Variants in CSMD1 observed in about 807,000 individuals in gnomAD.
CSMD1 encodes the protein CUB and sushi domain-containing protein 1.
A neutral mutation model predicts 417.5 loss-of-function variants in CSMD1; 213 were observed. That is an observed-to-expected ratio of 0.51 (90% CI 0.46 to 0.57). The LOEUF (loss-of-function observed/expected upper bound fraction) is 0.57. Ranked by LOEUF, CSMD1 falls within the 20% of genes least tolerant of loss-of-function variation. CSMD1 has a pLI of 0.00. For synonymous variants in CSMD1, 2,862 were observed against 1,736.8 expected, an observed-to-expected ratio of 1.65 and a Z score of -16.11; for missense variants, 6,923 against 4,529.7, an observed-to-expected ratio of 1.53 and a Z score of -15.17.
chr8:4,754,197 C>G (rs1414677532), intron 1 of CSMD1, among the ~76,000 whole-genome samples: 2 of 152,126 alleles, frequency 1.3e-5, no homozygotes, highest in Non-Finnish European at 2.9e-5. Context: ...CTCCACCATT[C>G]ATCTCTACAA....
intron 10 of CSMD1, among the ~76,000 whole-genome samples, chr8:3,549,460 C>G (rs908364525): frequency 6.6e-6 from 1 of 152,174 alleles, no homozygotes; most frequent in Non-Finnish European, 1.5e-5. Flanking sequence ...AACTCAGCCC[C>G]TCATGTCGCA....
chr8:4,915,517 C>T (rs1401867797), intron 1 of CSMD1, among the ~76,000 whole-genome samples: 1 of 152,120 alleles, frequency 6.6e-6, no homozygotes, highest in South Asian at 2.1e-4. Context: ...ATACAAAAAG[C>T]AGGCCTGGCA....
At chr8:4,783,297 G>C (rs1040800570) in intron 1 of CSMD1, among the ~76,000 whole-genome samples, 1 of 152,118 alleles carries the variant, frequency 6.6e-6, no homozygotes, top group Admixed American at 6.5e-5. Flanking sequence ...AACCACACAA[G>C]GTAAAACTGT....
intron 25 of CSMD1, among the ~76,000 whole-genome samples, chr8:3,291,521 T>TAA (rs1803559474): frequency 1.3e-5 from 2 of 152,180 alleles, no homozygotes; most frequent in South Asian, 4.1e-4. Context: ...ATTGGTCTAT[T>TAA]CAGAGATTCA....
chr8:4,038,383 T>C (rs754069901), intron 3 of CSMD1, among the ~76,000 whole-genome samples: 16 of 152,166 alleles, frequency 1.1e-4, no homozygotes, highest in South Asian at 4.1e-4. Flanking sequence ...TTGTAAAATA[T>C]TGATGGAATT....
chr8:3,408,273 G>T, intron 13 of CSMD1, 48 bp from the exon 14 acceptor site: 1 of 1,422,252 alleles, frequency 7.0e-7, no homozygotes, highest in Admixed American at 2.1e-5. Context: ...CATATCCAAA[G>T]AATTGCCATG....
rs576753435 is a variant in CSMD1 at position 4,602,500 on chromosome 8, C to T, written c.302+34842G>A. 7.9e-5 allele frequency among the ~76,000 whole-genome samples: 12 copies of T among 152,198 alleles called. 1 individual carries two copies. The highest frequency in any genetic ancestry group is 1.9e-4 in the East Asian group (1 of 5,178). ...AGAGCTGTCCAGCACATCTCAGGTA[C>T]GCATACAATAAAACCGTAAATATAT... On this transcript the variant is annotated intron_variant, in intron 2 of 69. Transcript: ENST00000635120.
At chr8:3,026,542 G>A (rs531853662) in intron 51 of CSMD1, among the ~76,000 whole-genome samples, 16 of 151,400 alleles carry the variant, frequency 1.1e-4, no homozygotes, top group African/African-American at 3.6e-4. Flanking sequence ...GGGCCTGACT[G>A]GACCTCACTG....
At chr8:3,906,041 A>G (rs1808086596) in intron 5 of CSMD1, among the ~76,000 whole-genome samples, 1 of 152,104 alleles carries the variant, frequency 6.6e-6, no homozygotes. Flanking sequence ...AAAACCCTAA[A>G]TAGCGAGAGG....
chr8:3,989,227 C>A (rs565973110), intron 5 of CSMD1, among the ~76,000 whole-genome samples: 1 of 152,168 alleles, frequency 6.6e-6, no homozygotes, highest in South Asian at 2.1e-4. Flanking sequence ...ATTTTACAGA[C>A]AGTGATCTGG....
intron 11 of CSMD1, among the ~76,000 whole-genome samples, chr8:3,485,110 C>T (rs954172418): frequency 6.6e-6 from 1 of 152,164 alleles, no homozygotes; most frequent in African/African-American, 2.4e-5. Context: ...AACCTATACA[C>T]AAATGTCATA....
intron 2 of CSMD1, among the ~76,000 whole-genome samples, chr8:4,452,644 G>C (rs911449044): frequency 7.4e-5 from 11 of 147,916 alleles, no homozygotes; most frequent in African/African-American, 2.7e-4. Flanking sequence ...AAAAATTCTT[G>C]AGTGAAACGT....
At chr8:3,602,998 A>T (rs1364885762) in intron 8 of CSMD1, among the ~76,000 whole-genome samples, 1 of 152,184 alleles carries the variant, frequency 6.6e-6, no homozygotes, top group African/African-American at 2.4e-5. Context: ...AAGACTGTGT[A>T]AGAGAGAGGG....
intron 3 of CSMD1, among the ~76,000 whole-genome samples, chr8:4,308,883 C>T (rs1798402702): frequency 6.6e-6 from 1 of 152,088 alleles, no homozygotes; most frequent in African/African-American, 2.4e-5. Flanking sequence ...TAGCTATAAA[C>T]ACATGGTTTA....
intron 10 of CSMD1, among the ~76,000 whole-genome samples, chr8:3,501,235 T>A (rs980947144): frequency 6.6e-6 from 1 of 152,238 alleles, no homozygotes; most frequent in South Asian, 2.1e-4. Flanking sequence ...TGCATGTGCA[T>A]ACACACATGC....
chr8:4,112,630 C>A (rs747434998), intron 3 of CSMD1, among the ~76,000 whole-genome samples: 1 of 152,186 alleles, frequency 6.6e-6, no homozygotes, highest in South Asian at 2.1e-4. Flanking sequence ...AAGCAGGGAC[C>A]TGTCCAAAGG....
chr8:4,378,366 T>G (rs1040507796), intron 3 of CSMD1, among the ~76,000 whole-genome samples: 3 of 152,222 alleles, frequency 2.0e-5, no homozygotes, highest in African/African-American at 7.2e-5. Flanking sequence ...AACATAATCA[T>G]GAGAAATTAG....
chr8:4,012,529 G>A (rs889660946), intron 4 of CSMD1, among the ~76,000 whole-genome samples: 22 of 152,050 alleles, frequency 1.4e-4, no homozygotes, highest in Non-Finnish European at 5.9e-5. Context: ...CTACACCCAG[G>A]TAGTGATCAC....
chr8:4,101,908 G>C (rs569525273), intron 3 of CSMD1, among the ~76,000 whole-genome samples: 40 of 152,218 alleles, frequency 2.6e-4, no homozygotes, highest in Admixed American at 9.8e-4. Flanking sequence ...TCCTAATAAT[G>C]TACAGCATTT....
Sources: gnomAD v4.1 joint callset for allele counts (sites outside exome capture counted in the v4.1 genomes callset) on GRCh38, gnomAD v4.1.1 for gene constraint, MANE v1.5 for transcripts, NCBI Gene and HGNC (gene_info 2026-07-23, HGNC 2026-07-21) for gene names.